The following HECTD4 variants were observed in gnomAD, a reference collection of about 807,000 sequenced individuals.
The protein encoded by HECTD4 is HECT domain E3 ubiquitin protein ligase 4.
HECTD4 carries 114 observed loss-of-function variants against 471.5 expected under a neutral mutation model. The ratio of observed to expected loss-of-function variants is 0.24; its 90% CI spans 0.21 to 0.28. HECTD4 has a LOEUF of 0.28. HECTD4 is among the 10% of genes least tolerant of loss of function. HECTD4 has a pLI of 1.00. For synonymous variants in HECTD4, 2,012 were observed against 2,256.0 expected (o/e 0.89, Z 3.07); for missense variants, 3,866 against 5,651.5 (o/e 0.68, Z 10.13).
intron 7 of HECTD4, among the ~76,000 whole-genome samples, chr12:112,305,029 G>A (rs1016856364): frequency 1.3e-4 from 20 of 152,064 alleles, no homozygotes; most frequent in South Asian, 4.1e-4. Context: ...CTGGCTTGGG[G>A]CAATTTGTTC....
intron 62 of HECTD4, among the ~76,000 whole-genome samples, chr12:112,182,421 T>G (rs534683974): frequency 6.6e-6 from 1 of 151,294 alleles, no homozygotes; most frequent in African/African-American, 2.4e-5. Context: ...GAAGCAGAAT[T>G]TGCTCCACAA....
intron 1 of HECTD4, among the ~76,000 whole-genome samples, chr12:112,358,566 T>C (rs150579781): frequency 1.2e-3 from 188 of 152,284 alleles, no homozygotes; most frequent in Non-Finnish European, 2.4e-3. Flanking sequence ...ATGATCTCAA[T>C]GACAGAATAT....
At chr12:112,335,619 C>T (rs1443520328) in intron 1 of HECTD4, among the ~76,000 whole-genome samples, 1 of 151,990 alleles carries the variant, frequency 6.6e-6, no homozygotes, top group African/African-American at 2.4e-5. Flanking sequence ...ACCCAGGAAG[C>T]GGAGGTTGCA....
intron 16 of HECTD4, among the ~76,000 whole-genome samples, chr12:112,264,620 C>T (rs1408991982): frequency 6.6e-6 from 1 of 152,142 alleles, no homozygotes; most frequent in East Asian, 1.9e-4. Flanking sequence ...AACACTCTCA[C>T]TAGATAAAAC....
chr12:112,326,406 T>C (rs1365852872), intron 1 of HECTD4, among the ~76,000 whole-genome samples: 2 of 151,972 alleles, frequency 1.3e-5, no homozygotes, highest in African/African-American at 4.8e-5. Flanking sequence ...GGCAGGAGGA[T>C]TGCTTAAGCC....
intron 7 of HECTD4, among the ~76,000 whole-genome samples, chr12:112,291,032 T>C (rs2135657316): frequency 6.6e-6 from 1 of 152,274 alleles, no homozygotes; most frequent in East Asian, 1.9e-4. Flanking sequence ...ATCTTTCACC[T>C]GGTCTGTGGC....
rs1411660011 is a variant in HECTD4, at chr12:112,204,569, C to T, written c.8186G>A (p.Gly2729Asp). Residue 2729 changes from glycine (G) to aspartate (D), a missense_variant, in exon 53 of 76, where the codon GGC (glycine) becomes GAC (aspartate). Transcript: ENST00000682272. ...TVEFLYEENG[G>D]IPRDLYLPTI... ...GGGAAGATAAAGGTCTCTTGGGATG[C>T]CACCATTCTCTTCGTAGAGAAATTC... 1 of 1,612,892 alleles carries T rather than the reference C, an allele frequency of 6.2e-7. No individual in the cohort carries two copies. The highest frequency in any genetic ancestry group is 8.5e-7 in the Non-Finnish European group (1 of 1,178,944).
chr12:112,333,056 A>G (rs1208392499), intron 1 of HECTD4, among the ~76,000 whole-genome samples: 1 of 152,240 alleles, frequency 6.6e-6, no homozygotes, highest in Non-Finnish European at 1.5e-5. Context: ...TTATTGCTGA[A>G]TAAAATTCCT....
chr12:112,233,048 C>T lies in HECTD4; in HGVS notation c.5953G>A (p.Ala1985Thr), dbSNP rs199851320. 8.6e-5 allele frequency: 139 copies of T among 1,612,116 alleles called. No homozygotes were observed. The highest frequency in any genetic ancestry group is 1.1e-4 in the South Asian group (10 of 90,506). The change falls in exon 38 of 76, where the codon GCC (alanine) becomes ACC (threonine). Residue 1985 changes from alanine to threonine, a missense_variant. Transcript: ENST00000682272. ...EGRPFRLGTG[A>T]NMEKVVKMDR... ...ATCTTCACAACTTTCTCCATGTTGG[C>T]GCCAGTACCAAGTCGGAAGGGCCGT...
intron 12 of HECTD4, 30 bp downstream of exon 12, chr12:112,270,197 A>G (rs773617934): frequency 6.3e-7 from 1 of 1,579,074 alleles, no homozygotes; most frequent in Non-Finnish European, 8.7e-7. Flanking sequence ...TTTCTCTATC[A>G]TCTTATTTAT....
Position 112,163,749 on chromosome 12 carries a change from A to G in HECTD4, c.12702-12T>C. On this transcript the variant is annotated splice_polypyrimidine_tract_variant and intron_variant, in intron 73 of 75. Coordinates refer to ENST00000682272, the MANE Select transcript of HECTD4 (RefSeq NM_001388303.1). The surrounding 1 kb of genome is among the most constrained non-coding windows in gnomAD (Gnocchi z 8.2). The stretch of plus-strand genomic sequence containing the variant: ...CCTTGTTCTCCCACCTGCCCGGGTG[A>G]GGAGCACAGGTGAGGGAGAACACCG... 6.9e-7 allele frequency: 1 copy of G among 1,452,354 alleles called. No homozygotes were observed. Among genetic ancestry groups the G allele is most frequent in the Non-Finnish European group, 9.1e-7 (1 of 1,097,970 alleles). The allele number at this position is 1,452,354 out of a possible 1,614,324, so 90.0% of individuals were successfully genotyped here.
At chr12:112,212,346 A>G in intron 49 of HECTD4, 141 bp downstream of exon 49, 2 of 677,662 alleles carry the variant, frequency 3.0e-6, no homozygotes, top group South Asian at 3.7e-5. Context: ...CACTTGCTCA[A>G]GCTGGCTCTG....
At chr12:112,360,318 A>T (rs2036426832) in intron 1 of HECTD4, among the ~76,000 whole-genome samples, 1 of 152,184 alleles carries the variant, frequency 6.6e-6, no homozygotes, top group South Asian at 2.1e-4. Context: ...CAACAGAGTG[A>T]GACCCTGTCT....
At chr12:112,255,301 G>C (rs1290959751) in intron 21 of HECTD4, among the ~76,000 whole-genome samples, 3 of 152,174 alleles carry the variant, frequency 2.0e-5, no homozygotes, top group Non-Finnish European at 4.4e-5. Context: ...ACTGATGCTA[G>C]GAGAGATATG....
At chr12:112,176,330 C>T (rs1178548712) in intron 65 of HECTD4, among the ~76,000 whole-genome samples, 4 of 152,190 alleles carry the variant, frequency 2.6e-5, no homozygotes, top group East Asian at 1.9e-4. Flanking sequence ...CCTGGGCATG[C>T]GGTGTTTCTG....
At chr12:112,336,282 G>C (rs1362715386) in intron 1 of HECTD4, among the ~76,000 whole-genome samples, 1 of 152,134 alleles carries the variant, frequency 6.6e-6, no homozygotes, top group African/African-American at 2.4e-5. Context: ...TCAGCACTTT[G>C]GGAGGCCGAG....
intron 1 of HECTD4, among the ~76,000 whole-genome samples, chr12:112,357,977 C>T (rs558189673): frequency 4.6e-5 from 7 of 152,074 alleles, no homozygotes; most frequent in Non-Finnish European, 7.4e-5. Flanking sequence ...CCGAGGCAGG[C>T]GGATCACTTG....
At chr12:112,181,277 T>A (rs2031659677) in intron 62 of HECTD4, among the ~76,000 whole-genome samples, 1 of 152,124 alleles carries the variant, frequency 6.6e-6, no homozygotes, top group South Asian at 2.1e-4. Context: ...GTAATGCTAA[T>A]CCTATCTTTA....
At chr12:112,366,750 G>A (rs372637169) in intron 1 of HECTD4, among the ~76,000 whole-genome samples, 1 of 151,224 alleles carries the variant, frequency 6.6e-6, no homozygotes, top group African/African-American at 2.4e-5. Context: ...ACATGGTGAT[G>A]GGCACCTGTA....
Sources: allele counts gnomAD v4.1 joint callset (sites outside exome capture counted in the v4.1 genomes callset), GRCh38; gene constraint gnomAD v4.1.1; non-coding constraint Gnocchi (gnomAD v3.1); transcripts MANE v1.5; gene names NCBI Gene and HGNC (gene_info 2026-07-23, HGNC 2026-07-21).